Variants in NAV2 observed in about 807,000 individuals in gnomAD.
NAV2 encodes the protein helicase, APC down-regulated 1.
Under a neutral mutation model 223.2 loss-of-function variants are expected in NAV2, and 54 were observed. The observed-to-expected ratio is 0.24, with a 90% CI of 0.19 to 0.30. The LOEUF is 0.30. NAV2 is among the 10% of genes least tolerant of loss of function. NAV2 has a pLI of 1.00. For synonymous variants in NAV2, 1,279 were observed against 1,239.3 expected, an observed-to-expected ratio of 1.03 and a Z score of -0.67; for missense variants, 2,806 against 3,147.5, an observed-to-expected ratio of 0.89 and a Z score of 2.60.
rs999148088 is a variant in NAV2 at position 19,493,564 on chromosome 11, T to C, written c.75+142537T>C. On this transcript the variant is annotated intron_variant, in intron 1 of 37. Coordinates refer to the NAV2 transcript ENST00000360655. ...GCTCGGCATCCCTGAGCTATACCAA[T>C]CCCTGGAGAGGCCAGTTCTGCAGGG... Among the ~76,000 whole-genome samples the C allele has an allele frequency of 2.6e-5, 4 of 152,210 alleles. No homozygotes were observed. The East Asian group carries it at 7.7e-4, about 29-fold the overall frequency.
rs574754670 is a variant in NAV2 at position 19,783,904 on chromosome 11, ATCT to A, written c.268-48576_268-48574del. Among the ~76,000 whole-genome samples the A allele has an allele frequency of 4.3e-3, 648 of 152,344 alleles. 7 individuals carry two copies. The highest frequency in any genetic ancestry group is 0.014 in the Middle Eastern group (4 of 294). ...AATTCATCCAACACATTTATGAAAC[ATCT>A]TCTAGGAACTAGGGAATATATGAGT... On this transcript the variant is annotated intron_variant, in intron 1 of 37. Transcript: ENST00000349880.
intron 1 of NAV2, among the ~76,000 whole-genome samples, chr11:19,424,211 C>G (rs1404034289): frequency 1.3e-5 from 2 of 152,178 alleles, no homozygotes; most frequent in Non-Finnish European, 2.9e-5. Context: ...CAATGAGATA[C>G]TTTCTGCACG....
chr11:19,658,683 A>T (rs965069822), intron 1 of NAV2, among the ~76,000 whole-genome samples: 1 of 152,180 alleles, frequency 6.6e-6, no homozygotes, highest in Non-Finnish European at 1.5e-5. Flanking sequence ...TGACTGGCTC[A>T]TGAGAACTAA....
At chr11:20,034,369 T>TG (rs2056132166) in intron 11 of NAV2, among the ~76,000 whole-genome samples, 1 of 109,792 alleles carries the variant, frequency 9.1e-6, no homozygotes, top group African/African-American at 3.0e-5. Flanking sequence ...TTTGTTTTTT[T>TG]TTTTTTTTTT....
At chr11:19,799,978 TTTC>T (rs2058142243) in intron 1 of NAV2, among the ~76,000 whole-genome samples, 2 of 152,104 alleles carry the variant, frequency 1.3e-5, no homozygotes, top group Non-Finnish European at 2.9e-5. Context: ...TGTCCCTGGG[TTTC>T]AGCCCAGGGC....
At chr11:19,999,288 C>CA (rs1443684295) in intron 11 of NAV2, among the ~76,000 whole-genome samples, 38 of 152,192 alleles carry the variant, frequency 2.5e-4, no homozygotes, top group East Asian at 3.8e-4. Context: ...AACTTGCCTT[C>CA]AAAAAAATCG....
At chr11:19,572,185 C>T (rs767574377) in intron 1 of NAV2, among the ~76,000 whole-genome samples, 4 of 152,270 alleles carry the variant, frequency 2.6e-5, no homozygotes, top group Non-Finnish European at 5.9e-5. Flanking sequence ...GCCCAGGCTG[C>T]TGCCTTCCGG....
At chr11:19,674,418 AT>A (rs1235028806) in intron 1 of NAV2, among the ~76,000 whole-genome samples, 1 of 151,994 alleles carries the variant, frequency 6.6e-6, no homozygotes, top group Non-Finnish European at 1.5e-5. Flanking sequence ...CCAAGTAGCA[AT>A]TTTTTTTCAA....
At position 19,523,380 on chromosome 11, in the gene NAV2, C is replaced by T. The variant is rs115569854; in HGVS notation, c.75+172353C>T. Among the ~76,000 whole-genome samples, 986 of 152,330 alleles carry T rather than the reference C, an allele frequency of 6.5e-3. 9 individuals carry two copies. Among genetic ancestry groups the T allele is most frequent in the African/African-American group, 0.023 (955 of 41,576 alleles). On this transcript the variant is annotated intron_variant, in intron 1 of 37. Coordinates refer to the NAV2 transcript ENST00000360655. Reference sequence around the variant, plus strand: ...CAGGAACAGTGCATCCCTCCTGTTCCACTTCCCAGCTCCCAAACTATTTAA... The same window carrying T: ...CAGGAACAGTGCATCCCTCCTGTTCTACTTCCCAGCTCCCAAACTATTTAA...
At chr11:19,582,374 A>G (rs1241415115) in intron 1 of NAV2, among the ~76,000 whole-genome samples, 1 of 152,030 alleles carries the variant, frequency 6.6e-6, no homozygotes, top group Admixed American at 6.5e-5. Context: ...GTTTAATTAG[A>G]TCCCATTTGT....
At chr11:19,838,202 G>A (rs976435054) in intron 2 of NAV2, among the ~76,000 whole-genome samples, 2 of 152,222 alleles carry the variant, frequency 1.3e-5, no homozygotes, top group African/African-American at 4.8e-5. Context: ...CAGCACGATT[G>A]TGCCTTTTAA....
intron 10 of NAV2, among the ~76,000 whole-genome samples, chr11:19,964,501 T>A (rs1039925108): frequency 1.3e-5 from 2 of 152,006 alleles, no homozygotes; most frequent in Non-Finnish European, 2.9e-5. Flanking sequence ...TCTTTTTTTT[T>A]TTTTTTATGA....
chr11:19,648,606 C>T (rs1256837819), intron 1 of NAV2, among the ~76,000 whole-genome samples: 1 of 152,140 alleles, frequency 6.6e-6, no homozygotes, highest in African/African-American at 2.4e-5. Flanking sequence ...TTGGTTCCAC[C>T]GTTGCTGCTG....
At chr11:19,757,072 G>A (rs2054295000) in intron 1 of NAV2, among the ~76,000 whole-genome samples, 1 of 152,186 alleles carries the variant, frequency 6.6e-6, no homozygotes. Flanking sequence ...CACTGTGCCA[G>A]CTGGAAACTG....
At chr11:19,362,620 C>T (rs182733376) in intron 1 of NAV2, among the ~76,000 whole-genome samples, 81 of 152,230 alleles carry the variant, frequency 5.3e-4, no homozygotes, top group African/African-American at 1.9e-3. Context: ...TGGACACTTG[C>T]CATCTGCCAT....
chr11:20,101,652 C>G (rs1392946766), intron 32 of NAV2, among the ~76,000 whole-genome samples: 3 of 152,160 alleles, frequency 2.0e-5, no homozygotes, highest in Admixed American at 2.0e-4. Context: ...AGGCTTGAAG[C>G]AGATTGGTCC....
intron 2 of NAV2, among the ~76,000 whole-genome samples, chr11:19,836,501 G>C (rs1348520010): frequency 1.3e-5 from 2 of 150,316 alleles, no homozygotes; most frequent in East Asian, 2.0e-4. Flanking sequence ...AGCTTGCAGT[G>C]AGCCGAGATT....
chr11:20,107,924 A>G, intron 36 of NAV2, 142 bp downstream of exon 36: 1 of 669,792 alleles, frequency 1.5e-6, no homozygotes, highest in Non-Finnish European at 2.6e-6. Context: ...AGTGTAGTCC[A>G]GTGTAGGGAC....
chr11:19,477,742 T>C (rs907141408), intron 1 of NAV2, among the ~76,000 whole-genome samples: 1 of 152,242 alleles, frequency 6.6e-6, no homozygotes, highest in Non-Finnish European at 1.5e-5. Flanking sequence ...TTTATCTTCA[T>C]GGCCTCTCCT....
Sources: allele counts gnomAD v4.1 joint callset (sites outside exome capture counted in the v4.1 genomes callset), GRCh38; gene constraint gnomAD v4.1.1; transcripts MANE v1.5; gene names NCBI Gene and HGNC (gene_info 2026-07-23, HGNC 2026-07-21).